ADGRG7: variants seen among roughly 807,000 people sequenced by gnomAD.
The protein encoded by ADGRG7 is G-protein coupled receptor 128.
ADGRG7 carries 82 observed loss-of-function variants against 88.6 expected under a neutral mutation model. The observed-to-expected ratio is 0.93, with a 90% CI of 0.77 to 1.11. The LOEUF is 1.11. ADGRG7 is among the 50% of genes most tolerant of loss of function. The probability of loss-of-function intolerance (pLI) is 0.00; values close to 1 mark genes in which losing one functional copy is unlikely to be tolerated. For synonymous variants in ADGRG7, 381 were observed against 345.2 expected (o/e 1.10, Z -1.15); for missense variants, 945 against 953.4 (o/e 0.99, Z 0.12).
intron 9 of ADGRG7, 112 bp from the exon 10 acceptor site, chr3:100,646,457 G>GCTTA (rs1259781707): frequency 1.3e-6 from 1 of 785,332 alleles, no homozygotes; most frequent in Non-Finnish European, 2.0e-6. Context: ...ATATGCTGAT[G>GCTTA]CTTAGTATAT....
intron 5 of ADGRG7, 58 bp from the exon 6 acceptor site, chr3:100,637,244 T>C: frequency 9.3e-7 from 1 of 1,076,534 alleles, no homozygotes; most frequent in Non-Finnish European, 1.4e-6. Flanking sequence ...ATGATAATGA[T>C]GGTGATGATA....
chr3:100,646,469 T>C, intron 9 of ADGRG7, 100 bp from the exon 10 acceptor site: 1 of 885,116 alleles, frequency 1.1e-6, no homozygotes, highest in Non-Finnish European at 1.8e-6. Flanking sequence ...TTAGTATATA[T>C]TTAATTCATT....
At chr3:100,673,849 TC>T (rs1437773586) in intron 15 of ADGRG7, among the ~76,000 whole-genome samples, 1 of 152,208 alleles carries the variant, frequency 6.6e-6, no homozygotes, top group Non-Finnish European at 1.5e-5. Flanking sequence ...AAAGGGTTTT[TC>T]GTGTCTCTAT....
chr3:100,615,988 T>C (rs1303161453), intron 1 of ADGRG7, among the ~76,000 whole-genome samples: 1 of 151,044 alleles, frequency 6.6e-6, no homozygotes, highest in Non-Finnish European at 1.5e-5. Flanking sequence ...CACTATCATC[T>C]GTTCAGAGCC....
Position 100,667,595 on chromosome 3 carries a change from G to A in ADGRG7, c.1980-1354G>A, listed in dbSNP as rs191463172. Among the ~76,000 whole-genome samples, 40 of 152,266 alleles carry A rather than the reference G, an allele frequency of 2.6e-4. 1 individual carries two copies. The highest frequency in any genetic ancestry group is 9.1e-4 in the African/African-American group (38 of 41,546). ...TTATCATTGATGGACATTTGGGTTGGTTCCAAGTGTTTGCTATTGTGAATA... is the reference window on the plus strand; with the variant it reads ...TTATCATTGATGGACATTTGGGTTGATTCCAAGTGTTTGCTATTGTGAATA... On this transcript the variant is annotated intron_variant, in intron 14 of 15. Coordinates refer to ENST00000273352, the MANE Select transcript of ADGRG7 (RefSeq NM_032787.3).
At chr3:100,667,711 C>G (rs1407061787) in intron 14 of ADGRG7, among the ~76,000 whole-genome samples, 1 of 152,036 alleles carries the variant, frequency 6.6e-6, no homozygotes, top group East Asian at 1.9e-4. Context: ...ATTGCTGGGT[C>G]AAATTGTATT....
chr3:100,660,603 C>T (rs1448217379), intron 14 of ADGRG7, among the ~76,000 whole-genome samples: 1 of 152,066 alleles, frequency 6.6e-6, no homozygotes, highest in African/African-American at 2.4e-5. Flanking sequence ...CTGTGCCCAG[C>T]CTTAAATTTT....
At chr3:100,686,285 A>T (rs2094982499) in intron 15 of ADGRG7, among the ~76,000 whole-genome samples, 1 of 152,226 alleles carries the variant, frequency 6.6e-6, no homozygotes, top group Non-Finnish European at 1.5e-5. Flanking sequence ...GCCCTTTGTC[A>T]GATGAGTAGG....
At chr3:100,617,574 A>T (rs1707243641) in intron 1 of ADGRG7, among the ~76,000 whole-genome samples, 1 of 152,168 alleles carries the variant, frequency 6.6e-6, no homozygotes, top group East Asian at 1.9e-4. Context: ...GCTGCATAGT[A>T]TTCCATGGTG....
At chr3:100,619,886 T>C (rs1184746462) in intron 1 of ADGRG7, among the ~76,000 whole-genome samples, 15 of 152,110 alleles carry the variant, frequency 9.9e-5, no homozygotes, top group Admixed American at 9.2e-4. Flanking sequence ...AATAGACCAA[T>C]AACAGGCTCT....
At chr3:100,680,168 T>C (rs1471835478) in intron 15 of ADGRG7, among the ~76,000 whole-genome samples, 2 of 152,222 alleles carry the variant, frequency 1.3e-5, no homozygotes, top group African/African-American at 4.8e-5. Context: ...ATTAGATGCA[T>C]ATACATTTAT....
intron 15 of ADGRG7, among the ~76,000 whole-genome samples, chr3:100,694,258 C>T (rs554872349): frequency 6.6e-6 from 1 of 152,292 alleles, no homozygotes; most frequent in South Asian, 2.1e-4. Flanking sequence ...CTCAATTTCT[C>T]ATGTACATCT....
chr3:100,615,494 C>T (rs1576310266), intron 1 of ADGRG7, among the ~76,000 whole-genome samples: 1 of 152,114 alleles, frequency 6.6e-6, no homozygotes, highest in African/African-American at 2.4e-5. Flanking sequence ...ATGCAAATGG[C>T]AAAGAAGCCA....
At chr3:100,664,437 T>G (rs1329088569) in intron 14 of ADGRG7, among the ~76,000 whole-genome samples, 1 of 152,142 alleles carries the variant, frequency 6.6e-6, no homozygotes, top group Non-Finnish European at 1.5e-5. Flanking sequence ...ACGGTCATAA[T>G]TCTATCATAA....
Position 100,671,288 on chromosome 3 carries a change from T to C in ADGRG7, c.2136+2183T>C, listed in dbSNP as rs1034896084. On this transcript the variant is annotated intron_variant, in intron 15 of 15. Transcript: ENST00000273352. ...TCTCATTGTGGTTTTGATTTGCATT[T>C]CTCTAATGACCAGTGATGATGAGCT... Among the ~76,000 whole-genome samples, 8 of 152,352 alleles carry C rather than the reference T, an allele frequency of 5.3e-5. No homozygotes were observed. In the South Asian group the frequency reaches 8.3e-4, roughly 16 times the overall value.
chr3:100,693,412 C>A (rs2094997063), intron 15 of ADGRG7, among the ~76,000 whole-genome samples: 1 of 152,140 alleles, frequency 6.6e-6, no homozygotes, highest in South Asian at 2.1e-4. Flanking sequence ...GTCATAGGGC[C>A]TTTCTTCTGA....
intron 9 of ADGRG7, 44 bp downstream of exon 9, chr3:100,646,152 T>A: frequency 1.3e-6 from 2 of 1,545,888 alleles, no homozygotes; most frequent in Non-Finnish European, 1.8e-6. Context: ...GTCCTCATGC[T>A]TTCTTTCTGA....
At chr3:100,664,727 AAT>A (rs1215629857) in intron 14 of ADGRG7, among the ~76,000 whole-genome samples, 4 of 152,200 alleles carry the variant, frequency 2.6e-5, no homozygotes, top group African/African-American at 9.6e-5. Flanking sequence ...CTCACAATCT[AAT>A]ATATCCACAT....
In ADGRG7 at chr3:100,655,146, G is replaced by A. The variant is rs772948125; in HGVS notation, c.1691G>A (p.Arg564Gln). The A allele has an allele frequency of 3.8e-5, 61 of 1,612,010 alleles. No individual in the cohort carries two copies. Among genetic ancestry groups the A allele is most frequent in the Middle Eastern group, 1.7e-4 (1 of 6,054 alleles). Residue 564 changes from arginine (R) to glutamine (Q), a missense_variant, in exon 12 of 16, where the codon CGG becomes CAG. Physicochemically the swap from Arg to Gln is conservative, Grantham distance 43. Transcript: ENST00000273352. ...ATAAGGACCATGAAGCCTCTTCCTC[G>A]GCATTTCATTCTTTTCATCTCATTA... ...LLIRTMKPLP[R>Q]HFILFISLIG... is the part of the protein sequence containing the mutation.
Sources: allele counts gnomAD v4.1 joint callset (sites outside exome capture counted in the v4.1 genomes callset), GRCh38; gene constraint gnomAD v4.1.1; transcripts MANE v1.5; gene names NCBI Gene and HGNC (gene_info 2026-07-23, HGNC 2026-07-21).